Variants in PARD3B observed in about 807,000 individuals in gnomAD.
PARD3B encodes partitioning defective 3 homolog B.
In PARD3B, 103 loss-of-function variants were observed where a neutral mutation model predicts 130.2. The ratio of observed to expected loss-of-function variants is 0.79; its 90% CI spans 0.67 to 0.93. The LOEUF (loss-of-function observed/expected upper bound fraction) is 0.93, where lower values mean the gene tolerates loss of function less well. PARD3B is among the 40% of genes least tolerant of loss of function. PARD3B has a pLI of 0.00. For synonymous variants in PARD3B, 583 were observed against 553.2 expected (o/e 1.05, Z -0.76); for missense variants, 1,609 against 1,499.2 (o/e 1.07, Z -1.21).
rs2041158889 is a variant in PARD3B, at chr2:205,280,813, A to G, written c.2186-19717A>G. On this transcript the variant is annotated intron_variant, in intron 16 of 22. Transcript: ENST00000406610. This position sits in a 1 kb window ranked among gnomAD's most constrained non-coding sequence, Gnocchi z 4.7. ...TAAGCTCTTGATGGATGGGGAACAA[A>G]CCAAATAAATACAGTATTTTATGTT... Among the ~76,000 whole-genome samples the G allele has an allele frequency of 6.6e-6, 1 of 152,220 alleles. No individual in the cohort carries two copies. The highest frequency in any genetic ancestry group is 2.1e-4 in the South Asian group (1 of 4,828).
chr2:204,941,008 A>G (rs2125801521), intron 2 of PARD3B, among the ~76,000 whole-genome samples: 1 of 152,346 alleles, frequency 6.6e-6, no homozygotes, highest in East Asian at 1.9e-4. Context: ...GCAGATATTC[A>G]GTGTTGTATG....
Position 204,974,966 on chromosome 2 carries a change from A to T in PARD3B, c.394+9643A>T, listed in dbSNP as rs147883021. ...TTCATTCCCAAGTAGCTTGCAATCA[A>T]GTTGACTTAAAATAAATTACTGGAT... On this transcript the variant is annotated intron_variant, in intron 3 of 22. Transcript: ENST00000406610. 2.2e-4 allele frequency among the ~76,000 whole-genome samples: 33 copies of T among 152,334 alleles called. No homozygotes were observed. The East Asian group carries it at 5.2e-3, about 24-fold the overall frequency.
chr2:205,028,422 A>G (rs1287615879), intron 3 of PARD3B, among the ~76,000 whole-genome samples: 3 of 152,202 alleles, frequency 2.0e-5, no homozygotes, highest in Non-Finnish European at 4.4e-5. Context: ...ACAACTCATA[A>G]CAAATTAGGT....
intron 2 of PARD3B, among the ~76,000 whole-genome samples, chr2:204,805,054 G>C (rs374593910): frequency 6.6e-6 from 1 of 151,634 alleles, no homozygotes; most frequent in Non-Finnish European, 1.5e-5. Flanking sequence ...AAAAATGAAA[G>C]CATAAATTAG....
At chr2:204,977,216 C>A (rs1692252435) in intron 3 of PARD3B, among the ~76,000 whole-genome samples, 1 of 152,094 alleles carries the variant, frequency 6.6e-6, no homozygotes, top group African/African-American at 2.4e-5. Context: ...TTGCTTTGAT[C>A]TTTTTTATCT....
chr2:204,716,580 T>C (rs2038736754), intron 2 of PARD3B, among the ~76,000 whole-genome samples: 1 of 150,858 alleles, frequency 6.6e-6, no homozygotes, highest in African/African-American at 2.4e-5. Flanking sequence ...GCAAAAGCAG[T>C]TGCTGTTTTT....
chr2:204,569,567 T>A (rs1367167289), intron 1 of PARD3B, among the ~76,000 whole-genome samples: 1 of 152,218 alleles, frequency 6.6e-6, no homozygotes, highest in Non-Finnish European at 1.5e-5. Context: ...TGTCCATTGG[T>A]GCTGCCTAGC....
chr2:204,820,633 G>T (rs1353253848), intron 2 of PARD3B, among the ~76,000 whole-genome samples: 16 of 151,812 alleles, frequency 1.1e-4, no homozygotes, highest in Non-Finnish European at 8.8e-5. Flanking sequence ...TGGCCAACAT[G>T]GTGAAACCTC....
chr2:205,433,467 G>T (rs1405649843), intron 19 of PARD3B, among the ~76,000 whole-genome samples: 1 of 150,990 alleles, frequency 6.6e-6, no homozygotes, highest in Non-Finnish European at 1.5e-5. Context: ...GGGCAGTGGA[G>T]GTTGCAGTGA....
At chr2:204,700,836 GT>G (rs937848339) in intron 2 of PARD3B, among the ~76,000 whole-genome samples, 1 of 151,920 alleles carries the variant, frequency 6.6e-6, no homozygotes, top group South Asian at 2.1e-4. Flanking sequence ...ACTTTTGTTT[GT>G]TTTTTCCTTT....
rs1339294424 is a variant in PARD3B at position 204,623,353 on chromosome 2, A to G, written c.121-62828A>G. ...ACCTGTATAGATTAATGTCACCATT[A>G]CAATCAAGATAAGGAACTATTCTAC... On this transcript the variant is annotated intron_variant, in intron 1 of 22. Coordinates refer to ENST00000406610, the MANE Select transcript of PARD3B (RefSeq NM_001302769.2). The surrounding 1 kb of genome is among the most constrained non-coding windows in gnomAD (Gnocchi z 4.5). 6.6e-6 allele frequency among the ~76,000 whole-genome samples: 1 copy of G among 152,148 alleles called. No homozygotes were observed. Among genetic ancestry groups the G allele is most frequent in the Non-Finnish European group, 1.5e-5 (1 of 68,012 alleles).
chr2:205,217,866 GTGTATA>G lies in PARD3B; in HGVS notation c.2140+24548_2140+24553del, dbSNP rs1461538646. ...TATATGTGTGTGTGTGTGTGTGTGT[GTGTATA>G]TATATATATATATATATATATATTT... On this transcript the variant is annotated intron_variant, in intron 15 of 22. Transcript: ENST00000406610. Among the ~76,000 whole-genome samples the G allele has an allele frequency of 9.1e-3, 550 of 60,740 alleles. 14 individuals are homozygous for G. The highest frequency in any genetic ancestry group is 0.052 in the East Asian group (63 of 1,222). 39.8% of individuals were successfully genotyped at this position (60,740 alleles called of 152,430 possible). A position where few individuals can be genotyped will look rare whatever the true frequency, so the allele number is the denominator to read the frequency against.
At chr2:204,712,133 A>G (rs1453343326) in intron 2 of PARD3B, among the ~76,000 whole-genome samples, 1 of 152,228 alleles carries the variant, frequency 6.6e-6, no homozygotes, top group East Asian at 1.9e-4. Flanking sequence ...CATACCATTT[A>G]TGAAGGGAGT....
At chr2:205,496,993 A>G (rs989182304) in intron 20 of PARD3B, among the ~76,000 whole-genome samples, 1 of 152,044 alleles carries the variant, frequency 6.6e-6, no homozygotes, top group Non-Finnish European at 1.5e-5. Context: ...CGTTGGATAC[A>G]GACACCATGG....
At chr2:204,753,867 C>T (rs60613871) in intron 2 of PARD3B, among the ~76,000 whole-genome samples, 1,565 of 151,968 alleles carry the variant, frequency 0.01, 32 homozygotes, top group African/African-American at 0.036. Flanking sequence ...AGCTGGGCAA[C>T]GTAGTAAGAC....
chr2:205,347,839 G>A (rs1422807786), intron 18 of PARD3B: 1 of 152,204 alleles, frequency 6.6e-6, no homozygotes. Context: ...TTTCAGAAGT[G>A]GGTAACAGTA....
Position 205,197,023 on chromosome 2 carries a change from T to TG in PARD3B, c.2140+3713dup, listed in dbSNP as rs5837962. Among the ~76,000 whole-genome samples, 642 of 130,300 alleles carry TG rather than the reference T, an allele frequency of 4.9e-3. 4 individuals carry two copies. Among genetic ancestry groups the TG allele is most frequent in the South Asian group, 9.0e-3 (34 of 3,798 alleles). 85.5% of individuals were successfully genotyped at this position (130,300 alleles called of 152,430 possible). A position where few individuals can be genotyped will look rare whatever the true frequency, so the allele number is the denominator to read the frequency against. On this transcript the variant is annotated intron_variant, in intron 15 of 22. Transcript: ENST00000406610. ...AGATGAAACAGGAATGCTTCCACTG[T>TG]GGGGGGGGGGTGTGTGTGTGTGTGT...
rs1481702001 is a variant in PARD3B, at chr2:205,572,186, G to T, written c.3260+18783G>T. Among the ~76,000 whole-genome samples, 1 of 152,142 alleles carries T rather than the reference G, an allele frequency of 6.6e-6. No individual in the cohort carries two copies. The highest frequency in any genetic ancestry group is 1.5e-5 in the Non-Finnish European group (1 of 68,042). The stretch of plus-strand genomic sequence containing the variant: ...CCATAAAACACAGTTCTTATCTCTA[G>T]GGATTTTCAGTCTCTGGTACCTTGG... On this transcript the variant is annotated intron_variant, in intron 22 of 22. Coordinates refer to ENST00000406610, the MANE Select transcript of PARD3B (RefSeq NM_001302769.2). The surrounding 1 kb of genome is among the most constrained non-coding windows in gnomAD (Gnocchi z 4.2).
intron 1 of PARD3B, among the ~76,000 whole-genome samples, chr2:204,680,876 G>A (rs548739187): frequency 1.3e-5 from 2 of 151,942 alleles, no homozygotes; most frequent in African/African-American, 4.8e-5. Context: ...TTTGGTACAC[G>A]TTCCATGTAC....
Sources: gnomAD v4.1 joint callset for allele counts (sites outside exome capture counted in the v4.1 genomes callset) on GRCh38, gnomAD v4.1.1 for gene constraint, Gnocchi (gnomAD v3.1) non-coding constraint, MANE v1.5 for transcripts, NCBI Gene and HGNC (gene_info 2026-07-23, HGNC 2026-07-21) for gene names.